Variants in SGMS1 observed in about 807,000 individuals in gnomAD.
SGMS1 encodes sphingomyelin synthase 1.
In SGMS1, 13 loss-of-function variants were observed where a neutral mutation model predicts 46.2. The observed-to-expected ratio is 0.28, with a 90% CI of 0.18 to 0.45. The LOEUF (loss-of-function observed/expected upper bound fraction) is 0.45. SGMS1 is among the 20% of genes least tolerant of loss of function. The pLI is 1.00. For missense variants in SGMS1, 324 were observed against 519.9 expected (o/e 0.62, Z 3.66); for synonymous variants, 203 against 187.8 (o/e 1.08, Z -0.66).
intron 2 of SGMS1, among the ~76,000 whole-genome samples, chr10:50,545,647 A>G (rs1385085319): frequency 6.6e-6 from 1 of 152,160 alleles, no homozygotes. Flanking sequence ...CATGTTGGCC[A>G]GGTTGGTCTC....
At chr10:50,563,934 C>T (rs76154388) in intron 2 of SGMS1, among the ~76,000 whole-genome samples, 1,810 of 152,240 alleles carry the variant, frequency 0.012, 18 homozygotes, top group East Asian at 0.06. Context: ...ATGATGGCTC[C>T]CAGGGCTCCC....
chr10:50,613,056 T>C (rs1461677999), intron 1 of SGMS1, among the ~76,000 whole-genome samples: 1 of 152,308 alleles, frequency 6.6e-6, no homozygotes, highest in South Asian at 2.1e-4. Context: ...GCTGACCACT[T>C]ATAGCACACA....
chr10:50,500,638 G>A (rs2144862), intron 3 of SGMS1, among the ~76,000 whole-genome samples: 79,248 of 151,906 alleles, frequency 0.52, 20,939 homozygotes, highest in Admixed American at 0.64. Context: ...GACCCTTAAA[G>A]TTGTGACACA....
At chr10:50,366,887 A>G (rs956586979) in intron 6 of SGMS1, among the ~76,000 whole-genome samples, 3 of 152,176 alleles carry the variant, frequency 2.0e-5, no homozygotes, top group African/African-American at 7.2e-5. Context: ...CCACCATGAC[A>G]TGTGTATACA....
chr10:50,374,804 G>C (rs796544762), intron 6 of SGMS1, among the ~76,000 whole-genome samples: 6 of 152,164 alleles, frequency 3.9e-5, no homozygotes, highest in Admixed American at 1.3e-4. Flanking sequence ...CTTTGCACTT[G>C]AGGGCCCTTC....
intron 2 of SGMS1, among the ~76,000 whole-genome samples, chr10:50,587,790 A>T (rs1410403454): frequency 1.3e-5 from 2 of 151,922 alleles, no homozygotes; most frequent in East Asian, 3.9e-4. Flanking sequence ...CTAATCCCCA[A>T]ATTATTTAAG....
At chr10:50,481,500 A>T (rs1297406965) in intron 3 of SGMS1, among the ~76,000 whole-genome samples, 1 of 152,158 alleles carries the variant, frequency 6.6e-6, no homozygotes, top group East Asian at 1.9e-4. Context: ...CAACAACATC[A>T]ACAAAAAAGA....
chr10:50,551,905 C>T (rs922793801), intron 2 of SGMS1, among the ~76,000 whole-genome samples: 2 of 152,148 alleles, frequency 1.3e-5, no homozygotes, highest in Admixed American at 1.3e-4. Flanking sequence ...GATCAAAACC[C>T]TTTCATGGCT....
chr10:50,620,076 A>G (rs1838834984), intron 1 of SGMS1, among the ~76,000 whole-genome samples: 1 of 152,244 alleles, frequency 6.6e-6, no homozygotes, highest in South Asian at 2.1e-4. Flanking sequence ...GCACCATTCA[A>G]TGCAGCTTTA....
At chr10:50,521,638 A>G (rs964244779) in intron 2 of SGMS1, among the ~76,000 whole-genome samples, 1 of 152,150 alleles carries the variant, frequency 6.6e-6, no homozygotes, top group African/African-American at 2.4e-5. Flanking sequence ...TGATACTGAC[A>G]CTTTAGAAGA....
At chr10:50,596,467 C>A (rs1456653684) in intron 1 of SGMS1, among the ~76,000 whole-genome samples, 1 of 152,236 alleles carries the variant, frequency 6.6e-6, no homozygotes, top group Non-Finnish European at 1.5e-5. Flanking sequence ...CGTGAGCCAC[C>A]ACGCCCAGCC....
chr10:50,554,690 T>C (rs889927748), intron 2 of SGMS1, among the ~76,000 whole-genome samples: 1 of 152,108 alleles, frequency 6.6e-6, no homozygotes, highest in African/African-American at 2.4e-5. Flanking sequence ...TGCTATTCTT[T>C]TAAAATTATA....
In SGMS1 at chr10:50,345,126, T is replaced by TAA. The variant is rs11395568; in HGVS notation, c.-231-783_-231-782dup. Reference sequence around the variant, plus strand: ...ACTGGTTTAATATTTTTATATTCTTTAAAAAAAAAAAATCAGTGAATCCCC... The same window carrying TAA: ...ACTGGTTTAATATTTTTATATTCTTTAAAAAAAAAAAAAATCAGTGAATCCCC... On this transcript the variant is annotated intron_variant, in intron 6 of 10. Transcript: ENST00000361781. 7.5e-3 allele frequency among the ~76,000 whole-genome samples: 1,118 copies of TAA among 148,964 alleles called. 3 individuals carry two copies. Among genetic ancestry groups the TAA allele is most frequent in the Middle Eastern group, 0.034 (10 of 292 alleles).
chr10:50,463,558 T>C (rs1393027377), intron 4 of SGMS1, among the ~76,000 whole-genome samples: 1 of 152,196 alleles, frequency 6.6e-6, no homozygotes, highest in Non-Finnish European at 1.5e-5. Context: ...TTGATCGGAA[T>C]ATTGGTACAC....
chr10:50,615,041 T>G (rs1480124742), intron 1 of SGMS1, among the ~76,000 whole-genome samples: 1 of 152,162 alleles, frequency 6.6e-6, no homozygotes, highest in East Asian at 1.9e-4. Context: ...CAAAATAAAA[T>G]TCGCTTCCTG....
chr10:50,612,484 A>C (rs145346306), intron 1 of SGMS1, among the ~76,000 whole-genome samples: 2 of 152,316 alleles, frequency 1.3e-5, no homozygotes, highest in East Asian at 1.9e-4. Context: ...GAAAAGGAGG[A>C]GTGGAGGGGA....
At chr10:50,316,989 T>TC (rs1426978776) in intron 8 of SGMS1, among the ~76,000 whole-genome samples, 2 of 152,106 alleles carry the variant, frequency 1.3e-5, no homozygotes, top group Non-Finnish European at 2.9e-5. Flanking sequence ...AAAAGAGGTT[T>TC]CCCCAAGTAT....
At chr10:50,589,920 G>T (rs1487551898) in intron 2 of SGMS1, among the ~76,000 whole-genome samples, 1 of 152,186 alleles carries the variant, frequency 6.6e-6, no homozygotes, top group East Asian at 1.9e-4. Context: ...ATCCTTATTT[G>T]TAAGAGCTGC....
intron 3 of SGMS1, among the ~76,000 whole-genome samples, chr10:50,493,720 A>C (rs1175064884): frequency 2.0e-5 from 3 of 152,186 alleles, no homozygotes; most frequent in Admixed American, 6.5e-5. Flanking sequence ...AAAAAAACTC[A>C]ACATCACTGA....
Sources: allele counts gnomAD v4.1 joint callset (sites outside exome capture counted in the v4.1 genomes callset), GRCh38; gene constraint gnomAD v4.1.1; transcripts MANE v1.5; gene names NCBI Gene and HGNC (gene_info 2026-07-23, HGNC 2026-07-21).